CTNND2: variants seen among roughly 807,000 people sequenced by gnomAD.
CTNND2 encodes the protein catenin delta-2.
Under a neutral mutation model 144.4 loss-of-function variants are expected in CTNND2, and 22 were observed. The ratio of observed to expected loss-of-function variants is 0.15; its 90% CI spans 0.11 to 0.22. The LOEUF is 0.22. Ranked by LOEUF, CTNND2 falls within the 10% of genes least tolerant of loss-of-function variation. CTNND2 has a pLI of 1.00. For synonymous variants in CTNND2, 751 were observed against 695.6 expected, an observed-to-expected ratio of 1.08 and a Z score of -1.25; for missense variants, 1,353 against 1,618.8, an observed-to-expected ratio of 0.84 and a Z score of 2.82.
chr5:11,075,329 GA>G (rs1218094836), intron 16 of CTNND2, among the ~76,000 whole-genome samples: 3 of 152,224 alleles, frequency 2.0e-5, no homozygotes, highest in Non-Finnish European at 4.4e-5. Context: ...TTGGTAAAGT[GA>G]AAAGAAAGCC....
chr5:11,119,859 A>G lies in CTNND2; in HGVS notation c.2160-2292T>C, dbSNP rs561370765. Among the ~76,000 whole-genome samples the G allele has an allele frequency of 5.3e-5, 8 of 152,290 alleles. No homozygotes were observed. The South Asian group carries it at 1.7e-3, about 32-fold the overall frequency. On this transcript the variant is annotated intron_variant, in intron 12 of 21. Coordinates refer to ENST00000304623, the MANE Select transcript of CTNND2 (RefSeq NM_001332.4). The stretch of plus-strand genomic sequence containing the variant: ...AAAAACCCTCTGCAGCTCTTCTTTG[A>G]CTAATGTGCTCAGTCTTTCCTTCGA...
intron 1 of CTNND2, among the ~76,000 whole-genome samples, chr5:11,813,074 C>G (rs904006218): frequency 6.6e-6 from 1 of 152,064 alleles, no homozygotes; most frequent in Non-Finnish European, 1.5e-5. Flanking sequence ...AATGATGGAC[C>G]GCATATATCA....
chr5:11,012,586 T>A (rs957429576), intron 18 of CTNND2, among the ~76,000 whole-genome samples: 6 of 152,174 alleles, frequency 3.9e-5, no homozygotes, highest in African/African-American at 1.4e-4. Context: ...GTTCCGCCCC[T>A]CAGCAGAGGT....
chr5:11,385,619 A>T (rs1759005646), intron 6 of CTNND2: 1 of 152,198 alleles, frequency 6.6e-6, no homozygotes, highest in African/African-American at 2.4e-5. Flanking sequence ...TTTAATGAGA[A>T]ATTCGGGCAG....
At chr5:11,683,947 A>G (rs1784532554) in intron 2 of CTNND2, among the ~76,000 whole-genome samples, 1 of 152,200 alleles carries the variant, frequency 6.6e-6, no homozygotes, top group Non-Finnish European at 1.5e-5. Flanking sequence ...TAGTCCTAAC[A>G]TGTTATGACA....
intron 3 of CTNND2, among the ~76,000 whole-genome samples, chr5:11,492,208 C>T (rs534356025): frequency 1.8e-3 from 270 of 152,234 alleles, no homozygotes; most frequent in Middle Eastern, 0.017. Context: ...GGCAGGTAAA[C>T]GGCATTTTAC....
intron 3 of CTNND2, among the ~76,000 whole-genome samples, chr5:11,557,176 T>C (rs1481451818): frequency 6.6e-6 from 1 of 152,158 alleles, no homozygotes; most frequent in Non-Finnish European, 1.5e-5. Context: ...TTACAAAGCA[T>C]TGTATTACTT....
chr5:11,830,913 T>C (rs1308660298), intron 1 of CTNND2, among the ~76,000 whole-genome samples: 4 of 152,148 alleles, frequency 2.6e-5, no homozygotes, highest in Non-Finnish European at 5.9e-5. Flanking sequence ...CAAATGACAA[T>C]TGAAAATTAA....
chr5:11,498,977 C>T (rs533042149), intron 3 of CTNND2, among the ~76,000 whole-genome samples: 44 of 152,224 alleles, frequency 2.9e-4, no homozygotes, highest in African/African-American at 1.0e-3. Flanking sequence ...AATTTGAACA[C>T]ATTAAAATGC....
chr5:11,838,838 C>A (rs1300631459), intron 1 of CTNND2, among the ~76,000 whole-genome samples: 1 of 152,130 alleles, frequency 6.6e-6, no homozygotes, highest in Non-Finnish European at 1.5e-5. Context: ...CACATTAGCA[C>A]CTAACATAAT....
intron 2 of CTNND2, among the ~76,000 whole-genome samples, chr5:11,567,303 T>G (rs139457402): frequency 1.3e-5 from 2 of 152,316 alleles, no homozygotes; most frequent in East Asian, 3.9e-4. Flanking sequence ...CTGGGCAATT[T>G]GATGATTATG....
At chr5:11,040,709 A>C (rs965484011) in intron 16 of CTNND2, among the ~76,000 whole-genome samples, 14 of 152,372 alleles carry the variant, frequency 9.2e-5, no homozygotes, top group Non-Finnish European at 2.9e-5. Flanking sequence ...TGAACTAGAA[A>C]TAAATTGATT....
chr5:11,109,143 G>C (rs1752698824), intron 14 of CTNND2, among the ~76,000 whole-genome samples: 1 of 152,124 alleles, frequency 6.6e-6, no homozygotes, highest in South Asian at 2.1e-4. Flanking sequence ...TTAGAACTCA[G>C]CAACAGGCAC....
chr5:11,273,348 G>A (rs1252269304), intron 9 of CTNND2, among the ~76,000 whole-genome samples: 4 of 152,098 alleles, frequency 2.6e-5, no homozygotes, highest in South Asian at 2.1e-4. Context: ...TGGGGAATAC[G>A]CACATCAGGT....
intron 3 of CTNND2, among the ~76,000 whole-genome samples, chr5:11,442,940 T>G (rs1382822603): frequency 6.8e-6 from 1 of 147,360 alleles, no homozygotes; most frequent in Non-Finnish European, 1.5e-5. Context: ...AATAAATACA[T>G]ATAATAATTA....
chr5:11,671,598 A>G (rs1051224921), intron 2 of CTNND2, among the ~76,000 whole-genome samples: 2 of 151,682 alleles, frequency 1.3e-5, no homozygotes, highest in Non-Finnish European at 2.9e-5. Context: ...TGCTTCATGA[A>G]GTTCTCATGC....
chr5:11,272,468 C>CT (rs1746122538), intron 9 of CTNND2, among the ~76,000 whole-genome samples: 1 of 152,092 alleles, frequency 6.6e-6, no homozygotes, highest in Admixed American at 6.5e-5. Flanking sequence ...AACCTTAGAT[C>CT]CACCCATGCC....
chr5:11,023,811 TTA>T (rs1742538595), intron 16 of CTNND2, among the ~76,000 whole-genome samples: 1 of 152,226 alleles, frequency 6.6e-6, no homozygotes, highest in Non-Finnish European at 1.5e-5. Flanking sequence ...TGGAGTACTT[TTA>T]GTTTACAAAG....
chr5:11,667,273 T>C (rs1783620083), intron 2 of CTNND2, among the ~76,000 whole-genome samples: 2 of 152,148 alleles, frequency 1.3e-5, no homozygotes, highest in Admixed American at 1.3e-4. Context: ...ATCCTTTGGG[T>C]ATATACCCAC....
Sources: allele counts gnomAD v4.1 joint callset (sites outside exome capture counted in the v4.1 genomes callset), GRCh38; gene constraint gnomAD v4.1.1; transcripts MANE v1.5; gene names NCBI Gene and HGNC (gene_info 2026-07-23, HGNC 2026-07-21).